Variants in STAMBP observed in about 807,000 individuals in gnomAD.
The protein encoded by STAMBP is STAM-binding protein.
In STAMBP, 31 loss-of-function variants were observed where a neutral mutation model predicts 50.7. That is an observed-to-expected ratio of 0.61 (90% CI 0.46 to 0.83). The LOEUF is 0.83. Among genes scored for constraint, STAMBP ranks in the 40% least tolerant of loss-of-function variants. STAMBP has a pLI of 0.00. For missense variants in STAMBP, 472 were observed against 518.9 expected, an observed-to-expected ratio of 0.91 and a Z score of 0.88; for synonymous variants, 211 against 192.4, an observed-to-expected ratio of 1.10 and a Z score of -0.80.
At chr2:73,849,599 A>G (rs1479303711) in intron 6 of STAMBP, 112 bp downstream of exon 6, 54 of 1,380,206 alleles carry the variant, frequency 3.9e-5, no homozygotes, top group Non-Finnish European at 5.1e-5. Flanking sequence ...CTTTGTACCA[A>G]GGAACCGTGG....
Position 73,849,381 on chromosome 2 carries a change from T to C in STAMBP, c.761T>C (p.Leu254Ser). 6.2e-7 allele frequency: 1 copy of C among 1,614,048 alleles called. No homozygotes were observed. The highest frequency in any genetic ancestry group is 8.5e-7 in the Non-Finnish European group (1 of 1,180,008). ...NSESIPTIDGLRHVVVPGRLC... is the reference protein window; with the variant it reads ...NSESIPTIDGSRHVVVPGRLC... The stretch of plus-strand genomic sequence containing the variant: ...TTTACAGTTCCCACAATCGATGGAT[T>C]GCGCCATGTGGTGGTGCCTGGGCGG... Residue 254 changes from leucine (L) to serine (S), a missense_variant, in exon 6 of 10, where the codon TTG (leucine) becomes TCG (serine). By Grantham distance (145) the Leu-to-Ser change is moderately radical (BLOSUM62 -2). Transcript: ENST00000394070.
chr2:73,839,801 G>A (rs945574849), intron 2 of STAMBP, among the ~76,000 whole-genome samples: 9 of 152,164 alleles, frequency 5.9e-5, no homozygotes, highest in African/African-American at 2.2e-4. Flanking sequence ...TTTCCTTAAA[G>A]CATCAATGGG....
intron 10 of STAMBP, among the ~76,000 whole-genome samples, chr2:73,873,160 A>C (rs1009744194): frequency 6.6e-6 from 1 of 152,216 alleles, no homozygotes; most frequent in Non-Finnish European, 1.5e-5. Context: ...CTGGGAGCTC[A>C]GGTGGACTGC....
chr2:73,837,005 A>G (rs941024307), intron 2 of STAMBP, among the ~76,000 whole-genome samples: 1 of 152,206 alleles, frequency 6.6e-6, no homozygotes, highest in Non-Finnish European at 1.5e-5. Context: ...CCTCACAGAG[A>G]TTCATTGATA....
Position 73,845,051 on chromosome 2 carries a change from G to A in STAMBP, c.280-116G>A, listed in dbSNP as rs1273633919. 9 of 1,543,626 alleles carry A rather than the reference G, an allele frequency of 5.8e-6. No individual in the cohort carries two copies. The South Asian group carries it at 9.8e-5, about 17-fold the overall frequency. On this transcript the variant is annotated intron_variant, in intron 3 of 9. Transcript: ENST00000394070. ...TGAAGTAGCAGGTATGGTACAGTAG[G>A]GGGTATTTTAAATCATTTTGGGAAA...
chr2:73,868,296 A>T (rs2104757856), downstream of STAMBP, among the ~76,000 whole-genome samples: 1 of 152,272 alleles, frequency 6.6e-6, no homozygotes, highest in African/African-American at 2.4e-5. Context: ...GGAATAAAGT[A>T]TCCTAACTGC....
chr2:73,840,589 C>G (rs147762420), intron 2 of STAMBP, among the ~76,000 whole-genome samples: 1 of 151,436 alleles, frequency 6.6e-6, no homozygotes. Context: ...ACTAAAAATA[C>G]GCAAATTAGC....
chr2:73,854,654 T>C (rs1329938107), intron 7 of STAMBP, among the ~76,000 whole-genome samples: 3 of 152,116 alleles, frequency 2.0e-5, no homozygotes, highest in Non-Finnish European at 4.4e-5. Flanking sequence ...TCAGCTTTTT[T>C]TCCTCCATAT....
chr2:73,840,028 C>A (rs1228940961), intron 2 of STAMBP, among the ~76,000 whole-genome samples: 2 of 152,204 alleles, frequency 1.3e-5, no homozygotes, highest in East Asian at 3.8e-4. Flanking sequence ...TCTAAAATTT[C>A]AACCATTCCC....
chr2:73,870,477 G>C (rs1679157836), downstream of STAMBP: 1 of 152,210 alleles, frequency 6.6e-6, no homozygotes, highest in South Asian at 2.1e-4. Context: ...CCTAGAGAAG[G>C]ATTACTTTTC....
At chr2:73,836,358 C>T (rs1056506391) in intron 2 of STAMBP, among the ~76,000 whole-genome samples, 2 of 152,220 alleles carry the variant, frequency 1.3e-5, no homozygotes, top group Non-Finnish European at 2.9e-5. Context: ...TGCAGGCCAG[C>T]AGGCAGCATC....
At chr2:73,868,664 A>T (rs142305290), downstream of STAMBP, among the ~76,000 whole-genome samples, 67 of 152,264 alleles carry the variant, frequency 4.4e-4, no homozygotes, top group African/African-American at 1.6e-3. Flanking sequence ...TGGGCGGATC[A>T]CTTAAGCCCA....
chr2:73,830,199 T>C (rs575297734), intron 1 of STAMBP, among the ~76,000 whole-genome samples: 38 of 152,372 alleles, frequency 2.5e-4, no homozygotes, highest in Non-Finnish European at 3.8e-4. Context: ...GTTTTCAAGA[T>C]TTAAGTCTCT....
intron 2 of STAMBP, among the ~76,000 whole-genome samples, chr2:73,837,185 A>G (rs1674812001): frequency 6.6e-6 from 1 of 152,232 alleles, no homozygotes; most frequent in Admixed American, 6.5e-5. Flanking sequence ...ATATTGCATT[A>G]CAGTTGTTGC....
In STAMBP at chr2:73,859,328, A is replaced by G. The variant is rs1464206158; in HGVS notation, c.1080A>G (p.Pro360=). 1.2e-6 allele frequency: 2 copies of G among 1,614,166 alleles called. No homozygotes were observed. Among genetic ancestry groups the G allele is most frequent in the East Asian group, 4.5e-5 (2 of 44,884 alleles). The change falls in exon 8 of 10, where the codon CCA becomes CCG. Residue 360 remains proline (P), a synonymous_variant. Coordinates refer to ENST00000394070, the MANE Select transcript of STAMBP (RefSeq NM_213622.4). ...HTHCSYQMML[P]ESVAIVCSPK... ...ACTGCTCTTACCAGATGATGTTGCC[A>G]GAGTCAGTAGCCATTGTTTGCTCCC...
chr2:73,868,520 T>A (rs1338384366), downstream of STAMBP, among the ~76,000 whole-genome samples: 1 of 151,620 alleles, frequency 6.6e-6, no homozygotes, highest in East Asian at 1.9e-4. Flanking sequence ...GAAACAAGAG[T>A]CTCTCATAAA....
chr2:73,846,600 T>C (rs546827129), intron 4 of STAMBP, among the ~76,000 whole-genome samples: 1 of 148,868 alleles, frequency 6.7e-6, no homozygotes, highest in Admixed American at 6.7e-5. Context: ...CAGTCCAGCC[T>C]AGGTGACAGA....
At chr2:73,845,054 G>A (rs1675888216) in intron 3 of STAMBP, 113 bp from the exon 4 acceptor site, 2 of 1,546,266 alleles carry the variant, frequency 1.3e-6, no homozygotes, top group South Asian at 1.2e-5. Context: ...ACAGTAGGGG[G>A]TATTTTAAAT....
chr2:73,844,880 A>G lies in STAMBP; in HGVS notation c.271A>G (p.Thr91Ala). 6.2e-7 allele frequency: 1 copy of G among 1,613,930 alleles called. No homozygotes were observed. ...KSAVIPEKKDTVKKLKEIAFP... is the reference protein window; with the variant it reads ...KSAVIPEKKDAVKKLKEIAFP... ...TGCTGTCATTCCTGAAAAGAAAGAC[A>G]CAGTAAAGGTGGGTCTTCACTTTCA... The change falls in exon 3 of 10, where the codon ACA (threonine) becomes GCA (alanine). Residue 91 changes from threonine (T) to alanine (A), a missense_variant. Physicochemically the swap from Thr to Ala is moderately conservative, Grantham distance 58. Coordinates refer to ENST00000394070, the MANE Select transcript of STAMBP (RefSeq NM_213622.4).
Sources: allele counts gnomAD v4.1 joint callset (sites outside exome capture counted in the v4.1 genomes callset), GRCh38; gene constraint gnomAD v4.1.1; transcripts MANE v1.5; gene names NCBI Gene and HGNC (gene_info 2026-07-23, HGNC 2026-07-21).